TTYH3: variants seen among roughly 807,000 people sequenced by gnomAD.
The protein encoded by TTYH3 is protein tweety homolog 3.
TTYH3 carries 23 observed loss-of-function variants against 68.2 expected under a neutral mutation model. The observed-to-expected ratio is 0.34, with a 90% CI of 0.24 to 0.48. The LOEUF is 0.48. Among genes scored for constraint, TTYH3 ranks in the 20% least tolerant of loss-of-function variants. The pLI, the probability that TTYH3 is intolerant of heterozygous loss-of-function variation, is 0.99. For missense variants in TTYH3, 768 were observed against 727.7 expected (o/e 1.06, Z -0.64); for synonymous variants, 360 against 332.8 (o/e 1.08, Z -0.89).
chr7:2,644,319 A>G (rs1296295851), intron 1 of TTYH3, among the ~76,000 whole-genome samples: 1 of 152,170 alleles, frequency 6.6e-6, no homozygotes, highest in Non-Finnish European at 1.5e-5. Context: ...GGGCAGACCC[A>G]GGGAGCCCCA....
Position 2,647,489 on chromosome 7 carries a change from C to T in TTYH3, c.477C>T (p.Ala159=), listed in dbSNP as rs951228240. The T allele has an allele frequency of 1.5e-4, 226 of 1,536,416 alleles. No homozygotes were observed. Among genetic ancestry groups the T allele is most frequent in the Non-Finnish European group, 1.9e-4 (219 of 1,144,488 alleles). ...TGCAGACCCTGGAGCGGCAGCTGGC[C>T]GGGCGGCCCGAGCCCCTGCGAGCCG... is the stretch of plus-strand genomic sequence containing the variant. The part of the protein sequence containing the change: ...PSLQTLERQL[A]GRPEPLRAVQ... The change falls in exon 4 of 14, where the codon GCC becomes GCT. Residue 159 remains alanine (A), a synonymous_variant. Coordinates refer to ENST00000258796, the MANE Select transcript of TTYH3 (RefSeq NM_025250.3).
intron 8 of TTYH3, 22 bp from the exon 9 acceptor site, chr7:2,652,896 C>G (rs574171630): frequency 1.3e-6 from 2 of 1,547,338 alleles, no homozygotes; most frequent in Non-Finnish European, 8.7e-7. Flanking sequence ...CGCCCATGGA[C>G]TTGGTCTCCT....
intron 13 of TTYH3, 53 bp from the exon 14 acceptor site, chr7:2,661,615 C>CTGCA: frequency 6.4e-7 from 1 of 1,566,724 alleles, no homozygotes; most frequent in Non-Finnish European, 8.7e-7. Flanking sequence ...GCGCCCCTGG[C>CTGCA]TGCGTGCGCC....
At chr7:2,638,474 C>T (rs1427962039) in intron 1 of TTYH3, among the ~76,000 whole-genome samples, 2 of 152,120 alleles carry the variant, frequency 1.3e-5, no homozygotes, top group African/African-American at 4.8e-5. Flanking sequence ...CCCAGGGCTG[C>T]CTCTCTGGCC....
intron 13 of TTYH3, among the ~76,000 whole-genome samples, chr7:2,659,288 C>T (rs929014776): frequency 3.3e-5 from 5 of 152,182 alleles, no homozygotes; most frequent in South Asian, 2.1e-4. Context: ...CGGGACCAGC[C>T]GCCCAGGGGG....
At chr7:2,654,212 T>C (rs1026311802) in intron 9 of TTYH3, among the ~76,000 whole-genome samples, 6 of 152,000 alleles carry the variant, frequency 3.9e-5, no homozygotes. Context: ...CTGGGCAACA[T>C]AGCAAGACCC....
Position 2,646,932 on chromosome 7 carries a change from T to A in TTYH3, c.203T>A (p.Leu68Gln). ...LLFLLFYSFW[L>Q]CCRRRKSEEH... ...TTCCTGCTCTTCTACTCCTTCTGGCTGTGCTGCCGGCGGCGCAAGAGCGAG... is the reference window on the plus strand; with the variant it reads ...TTCCTGCTCTTCTACTCCTTCTGGCAGTGCTGCCGGCGGCGCAAGAGCGAG... The change falls in exon 2 of 14, where the codon CTG becomes CAG. Residue 68 changes from leucine to glutamine, a missense_variant. Coordinates refer to ENST00000258796, the MANE Select transcript of TTYH3 (RefSeq NM_025250.3). 6.2e-7 allele frequency: 1 copy of A among 1,601,442 alleles called. No homozygotes were observed. The highest frequency in any genetic ancestry group is 8.5e-7 in the Non-Finnish European group (1 of 1,179,210).
At chr7:2,636,625 G>T (rs117789950) in intron 1 of TTYH3, among the ~76,000 whole-genome samples, 3 of 152,216 alleles carry the variant, frequency 2.0e-5, no homozygotes, top group African/African-American at 7.2e-5. Context: ...TAGGCTGGGG[G>T]TGTACAGCGA....
chr7:2,656,758 C>A (rs780209408), intron 11 of TTYH3, among the ~76,000 whole-genome samples: 6 of 152,196 alleles, frequency 3.9e-5, no homozygotes, highest in African/African-American at 1.4e-4. Flanking sequence ...GAGGAGCTCC[C>A]GGCCTGGGTT....
intron 5 of TTYH3, among the ~76,000 whole-genome samples, chr7:2,648,694 C>T (rs935828345): frequency 7.2e-5 from 11 of 151,896 alleles, no homozygotes; most frequent in African/African-American, 2.4e-4. Context: ...TGGCATGGGC[C>T]AGAGGTGATA....
rs560362559 is a variant in TTYH3 at position 2,645,982 on chromosome 7, C to A, written c.124-871C>A. On this transcript the variant is annotated intron_variant, in intron 1 of 13. Coordinates refer to ENST00000258796, the MANE Select transcript of TTYH3 (RefSeq NM_025250.3). The surrounding 1 kb of genome is among the most constrained non-coding windows in gnomAD (Gnocchi z 4.8). ...GACAGTAGCTGATGCCGGCAGCCCCCTCCCCAGGGCTTCGCTTCTTCGGGG... is the reference window on the plus strand; with the variant it reads ...GACAGTAGCTGATGCCGGCAGCCCCATCCCCAGGGCTTCGCTTCTTCGGGG... 16 of 354,636 alleles carry A rather than the reference C, an allele frequency of 4.5e-5. No homozygotes were observed. The highest frequency in any genetic ancestry group is 9.2e-5 in the Non-Finnish European group (16 of 173,882). The allele number at this position is 354,636 out of a possible 1,614,324, so 22.0% of individuals were successfully genotyped here.
chr7:2,650,696 AGCTTC>A (rs1786150704), intron 7 of TTYH3, among the ~76,000 whole-genome samples: 1 of 151,890 alleles, frequency 6.6e-6, no homozygotes, highest in Non-Finnish European at 1.5e-5. Flanking sequence ...CTCTGTGGCA[AGCTTC>A]GCTTTATTCC....
At chr7:2,649,267 A>C (rs553074697) in intron 5 of TTYH3, among the ~76,000 whole-genome samples, 1 of 152,088 alleles carries the variant, frequency 6.6e-6, no homozygotes, top group South Asian at 2.1e-4. Flanking sequence ...GAAAGTGGAC[A>C]CTGTTGCCTG....
At position 2,662,099 on chromosome 7, in the gene TTYH3, T is replaced by G; in HGVS notation, c.*360T>G. ...CGGCCCTTCCCTCCACAGCTCTCCTTCCTCCCGCCCGGCACTTCTGTGGAC... is the reference window on the plus strand; with the variant it reads ...CGGCCCTTCCCTCCACAGCTCTCCTGCCTCCCGCCCGGCACTTCTGTGGAC... On this transcript the variant is annotated 3_prime_UTR_variant, in exon 14 of 14. Coordinates refer to ENST00000258796, the MANE Select transcript of TTYH3 (RefSeq NM_025250.3). The G allele has an allele frequency of 2.2e-6, 1 of 448,876 alleles. No homozygotes were observed. The highest frequency in any genetic ancestry group is 4.1e-6 in the Non-Finnish European group (1 of 244,098). The allele number at this position is 448,876 out of a possible 1,614,324, so 27.8% of individuals were successfully genotyped here. A position where few individuals can be genotyped will look rare whatever the true frequency, so the allele number is the denominator to read the frequency against.
Position 2,656,459 on chromosome 7 carries a change from C to T in TTYH3, c.1175C>T (p.Ala392Val). ...YDGVEGLIYL[A>V]LFSFVTALMF... ...GGCGTGGAGGGCCTCATCTACCTGG[C>T]CCTCTTCTCCTTCGTCACAGCCCTC... is the stretch of plus-strand genomic sequence containing the variant. The change falls in exon 11 of 14, where the codon GCC (alanine) becomes GTC (valine). Residue 392 changes from alanine (A) to valine (V), a missense_variant. Physicochemically the swap from Ala to Val is moderately conservative, Grantham distance 64. Transcript: ENST00000258796. 6.2e-7 allele frequency: 1 copy of T among 1,612,132 alleles called. No homozygotes were observed.
chr7:2,652,870 C>T (rs140652743), intron 8 of TTYH3, 48 bp from the exon 9 acceptor site: 221 of 1,450,362 alleles, frequency 1.5e-4, no homozygotes, highest in East Asian at 6.4e-4. Context: ...GAGGGAGAGG[C>T]GGGCGGACCC....
Position 2,656,086 on chromosome 7 carries a change from C to T in TTYH3, c.1021-6C>T. 6.5e-7 allele frequency: 1 copy of T among 1,542,398 alleles called. No homozygotes were observed. The highest frequency in any genetic ancestry group is 8.8e-7 in the Non-Finnish European group (1 of 1,139,296). ...GTGCTGACCATCTGCGGTGCGTGCC[C>T]CCCAGGACCCCCTCCTCCGCGTCCA... On this transcript the variant is annotated splice_polypyrimidine_tract_variant and splice_region_variant and intron_variant, in intron 9 of 13. Coordinates refer to ENST00000258796, the MANE Select transcript of TTYH3 (RefSeq NM_025250.3).
chr7:2,655,533 GCTGT>G (rs1048956047), intron 9 of TTYH3, among the ~76,000 whole-genome samples: 35 of 152,358 alleles, frequency 2.3e-4, no homozygotes, highest in African/African-American at 8.2e-4. Context: ...CTGTGGAGTC[GCTGT>G]CAGCCTGGCA....
chr7:2,652,915 CAGA>C lies in TTYH3; in HGVS notation c.928_930del (p.Lys310del). The C allele has an allele frequency of 6.4e-7, 1 of 1,559,410 alleles. No homozygotes were observed. Among genetic ancestry groups the C allele is most frequent in the African/African-American group, 1.3e-5 (1 of 74,232 alleles). On this transcript the variant is annotated splice_acceptor_variant and coding_sequence_variant, in exon 9 of 14. Transcript: ENST00000258796. LOFTEE classifies it high-confidence loss of function. ...CATGGACTTGGTCTCCTCTCTGGAG[CAGA>C]AGCTGTCGGGCAGCCACAAGGCACT...
Sources: gnomAD v4.1 joint callset for allele counts (sites outside exome capture counted in the v4.1 genomes callset) on GRCh38, gnomAD v4.1.1 for gene constraint, Gnocchi (gnomAD v3.1) non-coding constraint, MANE v1.5 for transcripts, NCBI Gene and HGNC (gene_info 2026-07-23, HGNC 2026-07-21) for gene names.